The following MLIP variants were observed in gnomAD, a reference collection of about 807,000 sequenced individuals.
MLIP encodes muscular LMNA-interacting protein.
MLIP carries 79 observed loss-of-function variants against 84.8 expected under a neutral mutation model. The observed-to-expected ratio is 0.93, with a 90% CI of 0.78 to 1.12. The LOEUF (loss-of-function observed/expected upper bound fraction) is 1.12, where lower values mean the gene tolerates loss of function less well. Ranked by LOEUF, MLIP falls within the 50% of genes most tolerant of loss-of-function variation. The probability of loss-of-function intolerance (pLI) is 0.00; values close to 1 mark genes in which losing one functional copy is unlikely to be tolerated. For missense variants in MLIP, 1,257 were observed against 1,160.6 expected (o/e 1.08, Z -1.21); for synonymous variants, 504 against 463.0 (o/e 1.09, Z -1.14).
chr6:54,102,169 G>A (rs1768701295), intron 1 of MLIP, among the ~76,000 whole-genome samples: 1 of 152,172 alleles, frequency 6.6e-6, no homozygotes, highest in African/African-American at 2.4e-5. Flanking sequence ...ATTGTCTCAT[G>A]TGCTGGTTGA....
chr6:54,240,785 G>A (rs2150835313), intron 12 of MLIP, among the ~76,000 whole-genome samples: 1 of 152,176 alleles, frequency 6.6e-6, no homozygotes, highest in Admixed American at 6.5e-5. Flanking sequence ...GACCATCCTG[G>A]CCAACATGGT....
intron 5 of MLIP, among the ~76,000 whole-genome samples, chr6:54,159,427 A>G (rs1462760359): frequency 1.3e-5 from 2 of 152,104 alleles, no homozygotes; most frequent in African/African-American, 4.8e-5. Flanking sequence ...ACTGTTTTAC[A>G]GATAACAATG....
chr6:54,099,981 C>T (rs1013553031), intron 1 of MLIP, among the ~76,000 whole-genome samples: 6 of 152,176 alleles, frequency 3.9e-5, no homozygotes, highest in African/African-American at 1.4e-4. Flanking sequence ...ATTCAGTAAT[C>T]GTTTTTATGA....
chr6:54,254,050 A>G (rs1782820017), intron 12 of MLIP, among the ~76,000 whole-genome samples: 1 of 149,680 alleles, frequency 6.7e-6, no homozygotes, highest in East Asian at 1.9e-4. Context: ...GCCAGCTTGG[A>G]TGACTCTCTC....
intron 5 of MLIP, 42 bp downstream of exon 5, chr6:54,149,169 G>C (rs1168903247): frequency 6.5e-7 from 1 of 1,528,032 alleles, no homozygotes; most frequent in East Asian, 2.3e-5. Context: ...CATTTTTAAT[G>C]TGATTTTTAA....
chr6:54,085,297 G>A (rs1767411850), intron 1 of MLIP, among the ~76,000 whole-genome samples: 1 of 152,214 alleles, frequency 6.6e-6, no homozygotes, highest in Non-Finnish European at 1.5e-5. Context: ...TATGGAGTCA[G>A]AAAGACCTGT....
intron 1 of MLIP, among the ~76,000 whole-genome samples, chr6:54,075,999 A>T (rs1276805168): frequency 6.6e-6 from 1 of 152,194 alleles, no homozygotes; most frequent in Non-Finnish European, 1.5e-5. Context: ...AATGGTACAA[A>T]AAGCATGAAG....
At chr6:54,261,122 C>A (rs1336760153) in intron 13 of MLIP, among the ~76,000 whole-genome samples, 2 of 152,018 alleles carry the variant, frequency 1.3e-5, no homozygotes, top group Non-Finnish European at 2.9e-5. Context: ...TAAATGATTT[C>A]TGAGTTGAGT....
intron 12 of MLIP, among the ~76,000 whole-genome samples, chr6:54,243,789 C>A (rs1458026257): frequency 6.6e-6 from 1 of 152,136 alleles, no homozygotes; most frequent in Non-Finnish European, 1.5e-5. Context: ...TTTGGTCAAA[C>A]CCAGCACCAT....
chr6:54,132,934 G>A (rs989981928), intron 3 of MLIP, among the ~76,000 whole-genome samples: 1 of 152,168 alleles, frequency 6.6e-6, no homozygotes, highest in African/African-American at 2.4e-5. Flanking sequence ...GCAACTTTTG[G>A]TAGACTAGGT....
chr6:54,047,077 G>T (rs1359338181), intron 1 of MLIP: 1 of 152,128 alleles, frequency 6.6e-6, no homozygotes, highest in African/African-American at 2.4e-5. Flanking sequence ...AATGATCCTC[G>T]AATGATTTCT....
chr6:54,199,593 G>A (rs1256519801), intron 10 of MLIP, among the ~76,000 whole-genome samples: 1 of 152,092 alleles, frequency 6.6e-6, no homozygotes, highest in Non-Finnish European at 1.5e-5. Context: ...TTTGTGGAGG[G>A]TGCATGAGGT....
intron 1 of MLIP, among the ~76,000 whole-genome samples, chr6:54,031,009 C>T (rs1374091032): frequency 6.6e-6 from 1 of 151,970 alleles, no homozygotes; most frequent in African/African-American, 2.4e-5. Context: ...TCCTTTTTTC[C>T]ACAAAAGTAC....
At chr6:54,118,830 C>G (rs1387551001) in intron 1 of MLIP, among the ~76,000 whole-genome samples, 1 of 152,024 alleles carries the variant, frequency 6.6e-6, no homozygotes, top group African/African-American at 2.4e-5. Context: ...AGCAAGACAA[C>G]AATCCAATTA....
intron 12 of MLIP, among the ~76,000 whole-genome samples, chr6:54,245,978 G>T (rs1725459637): frequency 6.6e-6 from 1 of 152,072 alleles, no homozygotes; most frequent in African/African-American, 2.4e-5. Flanking sequence ...AATTTTTTCA[G>T]ATTGCTAAAT....
chr6:54,137,488 CG>C lies in MLIP; in HGVS notation c.1422del (p.Ser475HisfsTer12). 1 of 1,536,064 alleles carries C rather than the reference CG, an allele frequency of 6.5e-7. No individual in the cohort carries two copies. Among genetic ancestry groups the C allele is most frequent in the Non-Finnish European group, 8.7e-7 (1 of 1,146,896 alleles). Reference protein sequence around the residue: ...KSLSSCSLRAGSPDQGELQVS... With the variant: ...KSLSSCSLRAXSPDQGELQVS... ...CTCTCTCAAGTTGTTCCCTGAGAGC[CG>C]GGTCACCAGATCAAGGGGAACTCCA... On this transcript the variant is annotated frameshift_variant, in exon 4 of 14. Transcript: ENST00000502396. LOFTEE classifies it high-confidence loss of function.
At chr6:54,190,803 T>C (rs1171597421) in intron 10 of MLIP, among the ~76,000 whole-genome samples, 2 of 151,282 alleles carry the variant, frequency 1.3e-5, no homozygotes, top group Non-Finnish European at 3.0e-5. Context: ...TTTCTTTTTT[T>C]TTTTTTTTTT....
intron 13 of MLIP, chr6:54,261,487 TTG>T: frequency 1.4e-6 from 1 of 713,386 alleles, no homozygotes; most frequent in Non-Finnish European, 1.7e-6. Flanking sequence ...AGGCAAATTC[TTG>T]TGTTTTCTTA....
intron 1 of MLIP, among the ~76,000 whole-genome samples, chr6:54,042,931 AC>A (rs1188429165): frequency 6.6e-6 from 1 of 152,176 alleles, no homozygotes; most frequent in Non-Finnish European, 1.5e-5. Context: ...TAGGGAAGGA[AC>A]CACGAGTAGT....
Sources: gnomAD v4.1 joint callset for allele counts (sites outside exome capture counted in the v4.1 genomes callset) on GRCh38, gnomAD v4.1.1 for gene constraint, MANE v1.5 for transcripts, NCBI Gene and HGNC (gene_info 2026-07-23, HGNC 2026-07-21) for gene names.